MBOAT7: variants seen among roughly 807,000 people sequenced by gnomAD.
The protein encoded by MBOAT7 is membrane-bound acylglycerophosphatidylinositol O-acyltransferase MBOAT7.
A neutral mutation model predicts 47.4 loss-of-function variants in MBOAT7; 40 were observed. The ratio of observed to expected loss-of-function variants is 0.84; its 90% CI spans 0.66 to 1.10. MBOAT7 has a LOEUF of 1.10. Ranked by LOEUF, MBOAT7 falls within the 50% of genes least tolerant of loss-of-function variation. The probability of loss-of-function intolerance (pLI) is 0.00; values close to 1 mark genes in which losing one functional copy is unlikely to be tolerated. For missense variants in MBOAT7, 680 were observed against 655.6 expected (o/e 1.04, Z -0.41); for synonymous variants, 361 against 292.0 (o/e 1.24, Z -2.41).
At chr19:54,186,246 C>T (rs1025925570) in intron 4 of MBOAT7, among the ~76,000 whole-genome samples, 2 of 151,912 alleles carry the variant, frequency 1.3e-5, no homozygotes, top group Non-Finnish European at 2.9e-5. Flanking sequence ...AACTCCCGAC[C>T]TCAGGTGATC....
intron 4 of MBOAT7, among the ~76,000 whole-genome samples, chr19:54,184,203 A>C (rs1487508709): frequency 5.9e-5 from 8 of 136,630 alleles, no homozygotes; most frequent in Non-Finnish European, 9.2e-5. Flanking sequence ...TTGCTCTGTC[A>C]CCAGGCTGGA....
At position 54,188,391 on chromosome 19, in the gene MBOAT7, TC is replaced by T. The variant is rs111889813; in HGVS notation, c.76+41del. ...CATAAGCCTGGAACCTTCCAGAGGGTCCCCCCCCTTTATTTTCCACTGGGGA... is the reference window on the plus strand; with the variant it reads ...CATAAGCCTGGAACCTTCCAGAGGGTCCCCCCCTTTATTTTCCACTGGGGA... On this transcript the variant is annotated intron_variant, in intron 2 of 7. Transcript: ENST00000245615. The T allele has an allele frequency of 4.8e-5, 76 of 1,588,822 alleles. No individual in the cohort carries two copies. In the Middle Eastern group the frequency reaches 8.3e-4, roughly 17 times the overall value.
chr19:54,174,324 T>C lies in MBOAT7; in HGVS notation c.1139A>G (p.Glu380Gly). 6.2e-7 allele frequency: 1 copy of C among 1,613,048 alleles called. No homozygotes were observed. The highest frequency in any genetic ancestry group is 8.5e-7 in the Non-Finnish European group (1 of 1,179,520). ...GCTCAGCCGCCCCCGCAGGGCTGAC[T>C]CCAGCCGGCCCTCGGCAGCCAGGCA... ...PLCLAAEGRLESALRGRLSPG... is the reference protein window; with the variant it reads ...PLCLAAEGRLGSALRGRLSPG... Residue 380 changes from glutamate to glycine, a missense_variant, in exon 8 of 8, where the codon GAG (glutamate) becomes GGG (glycine). Transcript: ENST00000245615.
In MBOAT7 at chr19:54,185,521, C is replaced by T. The variant is rs113771358; in HGVS notation, c.333+1640G>A. Among the ~76,000 whole-genome samples the T allele has an allele frequency of 3.1e-3, 475 of 152,150 alleles. 5 individuals are homozygous for T. The highest frequency in any genetic ancestry group is 0.011 in the African/African-American group (459 of 41,510). On this transcript the variant is annotated intron_variant, in intron 4 of 7. Coordinates refer to ENST00000245615, the MANE Select transcript of MBOAT7 (RefSeq NM_024298.5). Reference sequence around the variant, plus strand: ...GCCACTCCTTCAGTCATCCTAAATGCGCGTTTCCTGCTGCAACTCAGACCT... The same window carrying T: ...GCCACTCCTTCAGTCATCCTAAATGTGCGTTTCCTGCTGCAACTCAGACCT...
Position 54,178,932 on chromosome 19 carries a change from C to G in MBOAT7, c.864G>C (p.Lys288Asn), listed in dbSNP as rs201042146. 106 of 1,612,852 alleles carry G rather than the reference C, an allele frequency of 6.6e-5. No individual in the cohort carries two copies. The South Asian group carries it at 1.1e-3, about 17-fold the overall frequency. The change falls in exon 7 of 8, where the codon AAG (lysine) becomes AAC (asparagine). Residue 288 changes from lysine (K) to asparagine (N), a missense_variant. Physicochemically the swap from Lys to Asn is moderately conservative, Grantham distance 94. Coordinates refer to ENST00000245615, the MANE Select transcript of MBOAT7 (RefSeq NM_024298.5). ...LQCPPPSSPE[K>N]AASLEYDYET... ...CATAGTCATACTCCAAGGAAGCCGC[C>G]TTCTCCGGACTGGGGGGTGGAGGAT...
intron 7 of MBOAT7, among the ~76,000 whole-genome samples, chr19:54,175,059 T>C (rs1445282569): frequency 6.8e-6 from 1 of 146,366 alleles, no homozygotes. Flanking sequence ...CACTGCAAGC[T>C]CCGCCTCCCA....
rs147027111 is a variant in MBOAT7 at position 54,188,241 on chromosome 19, C to G, written c.182G>C (p.Trp61Ser). 2 of 1,613,358 alleles carry G rather than the reference C, an allele frequency of 1.2e-6. No individual in the cohort carries two copies. Among genetic ancestry groups the G allele is most frequent in the African/African-American group, 2.7e-5 (2 of 74,880 alleles). Residue 61 changes from tryptophan to serine, a missense_variant, in exon 3 of 8, where the codon TGG (tryptophan) becomes TCG (serine). Coordinates refer to ENST00000245615, the MANE Select transcript of MBOAT7 (RefSeq NM_024298.5). ...LHSLVTILGT[W>S]ALIQAQPCSC... Reference sequence around the variant, plus strand: ...CCAGGGCTGGGCCTGAATGAGGGCCCAGGTCCCGAGGATGGTGACCAGAGA... The same window carrying G: ...CCAGGGCTGGGCCTGAATGAGGGCCGAGGTCCCGAGGATGGTGACCAGAGA...
At chr19:54,185,999 G>A (rs191458755) in intron 4 of MBOAT7, among the ~76,000 whole-genome samples, 9 of 144,060 alleles carry the variant, frequency 6.2e-5, no homozygotes, top group Admixed American at 2.1e-4. Context: ...AGCTGGCCTA[G>A]AATGAGTATT....
chr19:54,180,754 C>T lies in MBOAT7; in HGVS notation c.854+19G>A. 1 of 1,489,758 alleles carries T rather than the reference C, an allele frequency of 6.7e-7. No individual in the cohort carries two copies. The highest frequency in any genetic ancestry group is 1.3e-5 in the South Asian group (1 of 74,804). 92.3% of individuals were successfully genotyped at this position (1,489,758 alleles called of 1,614,324 possible). A position where few individuals can be genotyped will look rare whatever the true frequency, so the allele number is the denominator to read the frequency against. On this transcript the variant is annotated intron_variant, in intron 6 of 7. Transcript: ENST00000245615. This position sits in a 1 kb window ranked among gnomAD's most constrained non-coding sequence, Gnocchi z 5.2. ...TGGGGGCTGCTGGGTCTTGGGAAGC[C>T]TCCCTCGCGCCGCCTGACCTGCTGG... is the stretch of plus-strand genomic sequence containing the variant.
Position 54,181,099 on chromosome 19 carries a change from C to A in MBOAT7, c.528G>T (p.Trp176Cys). Residue 176 changes from tryptophan (W) to cysteine (C), a missense_variant, in exon 6 of 8, where the codon TGG becomes TGT. By Grantham distance (215) the Trp-to-Cys change is radical. Transcript: ENST00000245615. ...PFFRYRTYLD[W>C]LEQPFPGAVP... ...CTGCCCCGGGGAAGGGCTGCTCCAG[C>A]CAGTCCAGGTAGGTGCGGTAGCGGA... 2 of 1,516,964 alleles carry A rather than the reference C, an allele frequency of 1.3e-6. No individual in the cohort carries two copies. The highest frequency in any genetic ancestry group is 1.8e-6 in the Non-Finnish European group (2 of 1,132,102). 94.0% of individuals were successfully genotyped at this position (1,516,964 alleles called of 1,614,324 possible).
In MBOAT7 at chr19:54,178,951, G is replaced by A; in HGVS notation, c.855-10C>T. The A allele has an allele frequency of 2.5e-6, 4 of 1,611,844 alleles. No homozygotes were observed. The highest frequency in any genetic ancestry group is 3.4e-6 in the Non-Finnish European group (4 of 1,179,266). ...AGCCGCCTTCTCCGGACTGGGGGGT[G>A]GAGGATGAGGGTGGGGGACAGACAT... On this transcript the variant is annotated splice_polypyrimidine_tract_variant and intron_variant, in intron 6 of 7. Transcript: ENST00000245615.
At position 54,186,868 on chromosome 19, in the gene MBOAT7, C is replaced by T. The variant is rs974486871; in HGVS notation, c.333+293G>A. The T allele has an allele frequency of 8.5e-5, 37 of 435,560 alleles. No homozygotes were observed. The Admixed American group carries it at 1.3e-3, about 15-fold the overall frequency. 27.0% of individuals were successfully genotyped at this position (435,560 alleles called of 1,614,324 possible). On this transcript the variant is annotated intron_variant, in intron 4 of 7. Transcript: ENST00000245615. The stretch of plus-strand genomic sequence containing the variant: ...ATAGCTGGCTACAGAGATTCAAGGA[C>T]AGCATGTTGGTAAACCACCCAGCTG...
At chr19:54,174,983 T>TG (rs1471084761) in intron 7 of MBOAT7, among the ~76,000 whole-genome samples, 1 of 150,892 alleles carries the variant, frequency 6.6e-6, no homozygotes, top group Non-Finnish European at 1.5e-5. Flanking sequence ...TGGTTTTTTT[T>TG]TTTTTTTTTT....
At chr19:54,181,184 T>C in intron 5 of MBOAT7, 51 bp from the exon 6 acceptor site, 1 of 1,442,404 alleles carries the variant, frequency 6.9e-7, no homozygotes, top group Non-Finnish European at 9.1e-7. Flanking sequence ...TGGGCAGAGC[T>C]CAAGTCTGCA....
At chr19:54,184,403 AC>A (rs1430585457) in intron 4 of MBOAT7, among the ~76,000 whole-genome samples, 2 of 151,336 alleles carry the variant, frequency 1.3e-5, no homozygotes, top group Non-Finnish European at 2.9e-5. Flanking sequence ...TGTACTCTCC[AC>A]CCTTTCCCAC....
rs1020080150 is a variant in MBOAT7 at position 54,187,167 on chromosome 19, C to T, written c.327G>A (p.Thr109=). Residue 109 remains threonine, a synonymous_variant, in exon 4 of 8, where the codon ACG becomes ACA. Coordinates refer to ENST00000245615, the MANE Select transcript of MBOAT7 (RefSeq NM_024298.5). ...GGCAAGCCCCGAGTCTGACCTTCAGCGTCAGCAGCAGCTGGACGGCATTGG... is the reference window on the plus strand; with the variant it reads ...GGCAAGCCCCGAGTCTGACCTTCAGTGTCAGCAGCAGCTGGACGGCATTGG... ...PFTNAVQLLL[T]LKLVSLASEV... is the part of the protein sequence containing the mutation. 3.2e-6 allele frequency: 5 copies of T among 1,567,088 alleles called. No individual in the cohort carries two copies. Among genetic ancestry groups the T allele is most frequent in the Middle Eastern group, 1.7e-4 (1 of 5,928 alleles).
At chr19:54,188,033 G>GAAAA (rs1555842486) in intron 3 of MBOAT7, among the ~76,000 whole-genome samples, 184 bp downstream of exon 3, 1 of 68,664 alleles carries the variant, frequency 1.5e-5, no homozygotes, top group African/African-American at 5.3e-5. Flanking sequence ...AAGAAAGAAA[G>GAAAA]AAAGAAAGAA....
In MBOAT7 at chr19:54,180,838, G is replaced by T; in HGVS notation, c.789C>A (p.Ala263=). The T allele has an allele frequency of 6.3e-7, 1 of 1,576,450 alleles. No homozygotes were observed. The highest frequency in any genetic ancestry group is 8.6e-7 in the Non-Finnish European group (1 of 1,164,554). ...CCCGGGCTTTGGCGGCCACGGGGTA[G>T]GCCCCAAAGCCGGCGGCAATGCAGC... ...ECGCIAAGFG[A]YPVAAKARAG... The change falls in exon 6 of 8, where the codon GCC becomes GCA. Residue 263 remains alanine, a synonymous_variant. Coordinates refer to ENST00000245615, the MANE Select transcript of MBOAT7 (RefSeq NM_024298.5). This position sits in a 1 kb window ranked among gnomAD's most constrained non-coding sequence, Gnocchi z 5.2.
At position 54,174,055 on chromosome 19, in the gene MBOAT7, G is replaced by A. The variant is rs753504958; in HGVS notation, c.1408C>T (p.Arg470Trp). 9.4e-6 allele frequency: 15 copies of A among 1,596,834 alleles called. No individual in the cohort carries two copies. The highest frequency in any genetic ancestry group is 2.3e-5 in the East Asian group (1 of 44,194). ...AGCGTCGTGACAGCTTACTCCTCCCGGAGCTTCTCCGGGGCAAGGCTGGTG... is the reference window on the plus strand; with the variant it reads ...AGCGTCGTGACAGCTTACTCCTCCCAGAGCTTCTCCGGGGCAAGGCTGGTG... The part of the protein sequence containing the change: ...QPTSLAPEKL[R>W]EE Residue 470 changes from arginine (R) to tryptophan (W), a missense_variant, in exon 8 of 8, where the codon CGG becomes TGG. Arg to Trp is a moderately radical substitution (Grantham distance 101). Coordinates refer to ENST00000245615, the MANE Select transcript of MBOAT7 (RefSeq NM_024298.5).
Sources: gnomAD v4.1 joint callset for allele counts (sites outside exome capture counted in the v4.1 genomes callset) on GRCh38, gnomAD v4.1.1 for gene constraint, Gnocchi (gnomAD v3.1) non-coding constraint, MANE v1.5 for transcripts, NCBI Gene and HGNC (gene_info 2026-07-23, HGNC 2026-07-21) for gene names.